The following SYNDIG1 variants were observed in gnomAD, a reference collection of about 807,000 sequenced individuals.
SYNDIG1 encodes synapse differentiation inducing 1, also known as synapse differentiation-inducing gene protein 1.
A neutral mutation model predicts 19.4 loss-of-function variants in SYNDIG1; 9 were observed. That is an observed-to-expected ratio of 0.46 (90% confidence interval 0.28 to 0.81). The LOEUF is 0.81. SYNDIG1 is among the 30% of genes least tolerant of loss of function. The probability of loss-of-function intolerance (pLI) is 0.12; values close to 1 mark genes in which losing one functional copy is unlikely to be tolerated. For synonymous variants in SYNDIG1, 141 were observed against 145.9 expected (o/e 0.97, Z 0.24); for missense variants, 311 against 343.3 (o/e 0.91, Z 0.74).
intron 3 of SYNDIG1, among the ~76,000 whole-genome samples, chr20:24,621,656 A>G (rs2059040038): frequency 6.6e-6 from 1 of 152,034 alleles, no homozygotes; most frequent in African/African-American, 2.4e-5. Flanking sequence ...TCTGGAGTGC[A>G]CCCCAGGCCA....
chr20:24,661,273 C>T (rs926932228), intron 3 of SYNDIG1, among the ~76,000 whole-genome samples: 1 of 132,238 alleles, frequency 7.6e-6, no homozygotes, highest in Non-Finnish European at 1.6e-5. Flanking sequence ...CCTTCTGTTA[C>T]AGAGCAAGTG....
rs539468360 is a variant in SYNDIG1 at position 24,557,296 on chromosome 20, C to T, written c.480+13719C>T. Among the ~76,000 whole-genome samples the T allele has an allele frequency of 1.7e-4, 26 of 152,344 alleles. 1 individual carries two copies. The South Asian group carries it at 4.3e-3, about 25-fold the overall frequency. The stretch of plus-strand genomic sequence containing the variant: ...TGGTTTGATCATCTGAAGCCTTCTT[C>T]TCTCGACTCGTCAAAGTCATTCTCC... On this transcript the variant is annotated intron_variant, in intron 2 of 3. Transcript: ENST00000376862.
intron 2 of SYNDIG1, among the ~76,000 whole-genome samples, chr20:24,582,521 A>C (rs1600680409): frequency 5.8e-5 from 5 of 85,708 alleles, no homozygotes; most frequent in East Asian, 6.5e-4. Context: ...CATATCCTCC[A>C]AGTGGCACAC....
chr20:24,547,168 T>G (rs2057595436), intron 2 of SYNDIG1, among the ~76,000 whole-genome samples: 1 of 152,150 alleles, frequency 6.6e-6, no homozygotes, highest in Non-Finnish European at 1.5e-5. Flanking sequence ...GCCCCTCGTT[T>G]CCCTGGTTCT....
At chr20:24,579,439 T>C (rs1393774457) in intron 2 of SYNDIG1, among the ~76,000 whole-genome samples, 1 of 152,224 alleles carries the variant, frequency 6.6e-6, no homozygotes, top group Non-Finnish European at 1.5e-5. Context: ...CTCTGGTCTC[T>C]GTTTGAAAAC....
intron 3 of SYNDIG1, among the ~76,000 whole-genome samples, chr20:24,601,080 G>C (rs1600719467): frequency 6.6e-6 from 1 of 152,114 alleles, no homozygotes; most frequent in East Asian, 1.9e-4. Flanking sequence ...AAAGCTTTTT[G>C]TGCAAATGGA....
intron 1 of SYNDIG1, among the ~76,000 whole-genome samples, chr20:24,488,924 G>A (rs1161326477): frequency 1.3e-5 from 2 of 152,160 alleles, no homozygotes; most frequent in Non-Finnish European, 2.9e-5. Context: ...CATTGGTCCT[G>A]GGGTCAGGAT....
intron 1 of SYNDIG1, among the ~76,000 whole-genome samples, chr20:24,524,679 G>T (rs77696850): frequency 0.11 from 17,376 of 151,948 alleles, 1,475 homozygotes; most frequent in African/African-American, 0.24. Flanking sequence ...TGTTAAGGAT[G>T]ATTTTTTCCA....
intron 1 of SYNDIG1, among the ~76,000 whole-genome samples, chr20:24,506,215 AGTCT>A (rs1314075000): frequency 1.3e-5 from 2 of 152,246 alleles, no homozygotes; most frequent in South Asian, 4.1e-4. Flanking sequence ...CCCAGGTAAG[AGTCT>A]GTCTGTCCAG....
chr20:24,532,959 G>C (rs1048698372), intron 1 of SYNDIG1, among the ~76,000 whole-genome samples: 1 of 152,144 alleles, frequency 6.6e-6, no homozygotes, highest in African/African-American at 2.4e-5. Flanking sequence ...CATTTTCTTG[G>C]AAAGGGGTTG....
chr20:24,475,090 A>G (rs752673763), intron 1 of SYNDIG1, among the ~76,000 whole-genome samples: 42 of 152,234 alleles, frequency 2.8e-4, no homozygotes, highest in Non-Finnish European at 5.3e-4. Context: ...TCATGAGTAC[A>G]ATAGGCAGTT....
chr20:24,535,522 AAAAGATGTTTATCTGGGCAT>A (rs968145590), intron 1 of SYNDIG1, among the ~76,000 whole-genome samples: 1 of 152,254 alleles, frequency 6.6e-6, no homozygotes, highest in Admixed American at 6.5e-5. Context: ...TCTCTAAAAG[AAAAGATGTTTATCTGGGCAT>A]AAAGCTTTGC....
intron 1 of SYNDIG1, among the ~76,000 whole-genome samples, chr20:24,485,736 A>G (rs1355247621): frequency 4.6e-5 from 7 of 152,214 alleles, no homozygotes; most frequent in African/African-American, 1.7e-4. Context: ...TCAGGAGCTA[A>G]ACAATGGAGT....
chr20:24,619,935 T>C (rs2059013507), intron 3 of SYNDIG1, among the ~76,000 whole-genome samples: 1 of 152,196 alleles, frequency 6.6e-6, no homozygotes, highest in African/African-American at 2.4e-5. Context: ...GTTGTGGAGT[T>C]CTGCACATGA....
chr20:24,621,890 A>G (rs993186862), intron 3 of SYNDIG1, among the ~76,000 whole-genome samples: 1 of 152,228 alleles, frequency 6.6e-6, no homozygotes, highest in Non-Finnish European at 1.5e-5. Flanking sequence ...ATCTACACCA[A>G]ACATTGAATA....
intron 3 of SYNDIG1, among the ~76,000 whole-genome samples, chr20:24,616,364 T>C (rs2058932209): frequency 6.6e-6 from 1 of 152,216 alleles, no homozygotes; most frequent in Non-Finnish European, 1.5e-5. Flanking sequence ...TCAAGGCCTT[T>C]CACCAAGGCC....
chr20:24,490,250 A>G (rs983194700), intron 1 of SYNDIG1, among the ~76,000 whole-genome samples: 4 of 152,224 alleles, frequency 2.6e-5, no homozygotes, highest in African/African-American at 9.6e-5. Context: ...CAGTTCCCAG[A>G]GTACTTTATG....
At chr20:24,540,733 A>G (rs1432053224) in intron 1 of SYNDIG1, among the ~76,000 whole-genome samples, 1 of 152,182 alleles carries the variant, frequency 6.6e-6, no homozygotes, top group East Asian at 1.9e-4. Context: ...CCCTCCTTGC[A>G]TTCCAGAAAT....
intron 3 of SYNDIG1, among the ~76,000 whole-genome samples, chr20:24,654,650 G>GAGGGAGGAAGGAAGGAAGGAAGGAAGGA (rs1374663588): frequency 8.5e-6 from 1 of 117,352 alleles, no homozygotes; most frequent in African/African-American, 3.4e-5. Flanking sequence ...GGGAGGGAGG[G>GAGGGAGGAAGGAAGGAAGGAAGGAAGGA]AGGAAGGAAG....
Sources: gnomAD v4.1 joint callset for allele counts (sites outside exome capture counted in the v4.1 genomes callset) on GRCh38, gnomAD v4.1.1 for gene constraint, MANE v1.5 for transcripts, NCBI Gene and HGNC (gene_info 2026-07-23, HGNC 2026-07-21) for gene names.